The following NBPF20 variants were observed in gnomAD, a reference collection of about 807,000 sequenced individuals.
The protein encoded by NBPF20 is NBPF family member NBPF20.
A neutral mutation model predicts 68.1 loss-of-function variants in NBPF20; 90 were observed. That is an observed-to-expected ratio of 1.32 (90% CI 1.11 to 1.58). The LOEUF (loss-of-function observed/expected upper bound fraction) is 1.58, where lower values mean the gene tolerates loss of function less well. NBPF20 is among the 40% of genes most tolerant of loss of function. The pLI, the probability that NBPF20 is intolerant of heterozygous loss-of-function variation, is 0.00. For missense variants in NBPF20, 816 were observed against 601.2 expected, an observed-to-expected ratio of 1.36 and a Z score of -3.74; for synonymous variants, 290 against 228.1, an observed-to-expected ratio of 1.27 and a Z score of -2.45.
At chr1:145,406,516 C>T (rs587707612), upstream of NBPF20, among the ~76,000 whole-genome samples, 1 of 151,742 alleles carries the variant, frequency 6.6e-6, no homozygotes, top group African/African-American at 2.4e-5. Flanking sequence ...AAATGTTGGA[C>T]AGAGTTTTGC....
chr1:145,298,369 C>G (rs1425709624), intron 129 of NBPF20, among the ~76,000 whole-genome samples: 538 of 144,036 alleles, frequency 3.7e-3, no homozygotes, highest in Non-Finnish European at 4.8e-3. Context: ...CACACACACA[C>G]AGACACACAC....
chr1:145,291,964 C>T (rs1553657900), intron 137 of NBPF20, among the ~76,000 whole-genome samples, 195 bp from the exon 143 acceptor site: 1 of 150,132 alleles, frequency 6.7e-6, no homozygotes, highest in African/African-American at 2.5e-5. Context: ...AAGAGAAAGA[C>T]AGAGAGAGAG....
At chr1:145,291,834 A>C (rs1661122143) in intron 137 of NBPF20, 65 bp from the exon 143 acceptor site, 3 of 1,611,298 alleles carry the variant, frequency 1.9e-6, no homozygotes, top group Admixed American at 3.3e-5. Context: ...GCCCCACTAG[A>C]TTTCAGAAGT....
upstream of NBPF20, among the ~76,000 whole-genome samples, chr1:145,406,273 T>A (rs1174412755): frequency 1.3e-5 from 2 of 151,534 alleles, no homozygotes; most frequent in Non-Finnish European, 2.9e-5. Context: ...GCCACTAATT[T>A]GTTTGATTGT....
chr1:145,372,494 T>G lies in NBPF20; in HGVS notation c.4369+18A>C. The G allele has an allele frequency of 2.0e-6, 1 of 509,098 alleles. No homozygotes were observed. The highest frequency in any genetic ancestry group is 3.3e-6 in the Non-Finnish European group (1 of 301,896). 31.5% of individuals were successfully genotyped at this position (509,098 alleles called of 1,614,324 possible). A position where few individuals can be genotyped will look rare whatever the true frequency, so the allele number is the denominator to read the frequency against. On this transcript the variant is annotated intron_variant, in intron 36 of 137. Coordinates refer to ENST00000369373, the Ensembl canonical transcript of NBPF20. ...AAGACCAGGTGGAGGCTTATCACCT[T>G]CACAGTAAGATACTCACTGTCCACG...
intron 7 of NBPF20, among the ~76,000 whole-genome samples, chr1:145,397,798 TAA>T (rs1258556418): frequency 6.6e-6 from 1 of 152,064 alleles, no homozygotes; most frequent in African/African-American, 2.4e-5. Context: ...GCAAATTGGA[TAA>T]AGAGTCAAGT....
At chr1:145,410,700 ATGTGTGTG>A in the NBPF20 span, among the ~76,000 whole-genome samples, 152 of 118,304 alleles carry the variant, frequency 1.3e-3, no homozygotes, top group African/African-American at 3.6e-3. Context: ...ATATATATAT[ATGTGTGTG>A]TGTGTGTGTG....
At chr1:145,425,131 C>T in the NBPF20 span, among the ~76,000 whole-genome samples, 1 of 152,146 alleles carries the variant, frequency 6.6e-6, no homozygotes, top group Non-Finnish European at 1.5e-5. Context: ...GTTTCTTCCC[C>T]AGCGCCCAAG....
intron 7 of NBPF20, among the ~76,000 whole-genome samples, chr1:145,397,597 A>G (rs1264121879): frequency 1.3e-5 from 2 of 152,326 alleles, no homozygotes; most frequent in Non-Finnish European, 2.9e-5. Context: ...GTAAACATGG[A>G]AAGGAACAAC....
At chr1:145,409,484 GC>G (rs752529350), upstream of NBPF20, among the ~76,000 whole-genome samples, 855 of 149,118 alleles carry the variant, frequency 5.7e-3, 6 homozygotes, top group Non-Finnish European at 8.1e-3. Context: ...TGTAACAAAA[GC>G]CCACCAAGAG....
exon 134 of NBPF20, chr1:145,294,886 G>C (rs1318021611): frequency 2.6e-6 from 1 of 389,510 alleles, no homozygotes; most frequent in African/African-American, 6.7e-5. Flanking sequence ...TGAAGGAGTC[G>C]AATAACATCT....
chr1:145,415,093 G>A, the NBPF20 span, among the ~76,000 whole-genome samples: 1 of 152,030 alleles, frequency 6.6e-6, no homozygotes, highest in Non-Finnish European at 1.5e-5. Flanking sequence ...GATGTGGCAG[G>A]ACAATAGGAT....
At chr1:145,400,619 TGACA>T (rs1662477927) in intron 5 of NBPF20, 25 bp from the exon 11 acceptor site, 2 of 1,602,258 alleles carry the variant, frequency 1.2e-6, no homozygotes, top group Admixed American at 3.3e-5. Flanking sequence ...GGGACAGAGA[TGACA>T]GAAGATTAAA....
At chr1:145,291,347 C>T (rs1264204034) in exon 138 of NBPF20, 13 of 1,278,330 alleles carry the variant, frequency 1.0e-5, no homozygotes, top group Non-Finnish European at 1.3e-5. Flanking sequence ...AACGTGGGTC[C>T]ATTGTCTTCA....
chr1:145,406,596 C>T (rs1284917534), upstream of NBPF20, among the ~76,000 whole-genome samples: 6 of 151,328 alleles, frequency 4.0e-5, no homozygotes, highest in East Asian at 1.2e-3. Flanking sequence ...CATTCCCACA[C>T]ACTTAATATT....
At chr1:145,393,457 AAAC>A (rs1553662677) in intron 9 of NBPF20, among the ~76,000 whole-genome samples, 1 of 117,856 alleles carries the variant, frequency 8.5e-6, no homozygotes, top group African/African-American at 3.2e-5. Flanking sequence ...ACACACACAC[AAAC>A]ACACACACAC....
At chr1:145,410,608 C>T in the NBPF20 span, among the ~76,000 whole-genome samples, 2 of 150,912 alleles carry the variant, frequency 1.3e-5, no homozygotes, top group Admixed American at 6.6e-5. Context: ...CCACCGCGCC[C>T]GGCCCCATGT....
chr1:145,406,594 C>A (rs1347426492), upstream of NBPF20, among the ~76,000 whole-genome samples: 3 of 151,252 alleles, frequency 2.0e-5, no homozygotes, highest in Non-Finnish European at 4.4e-5. Flanking sequence ...TACATTCCCA[C>A]ACACTTAATA....
At chr1:145,291,686 T>C (rs782233838) in exon 138 of NBPF20, 7 of 1,611,790 alleles carry the variant, frequency 4.3e-6, no homozygotes, top group African/African-American at 1.3e-5. Context: ...TAGTTCAAAG[T>C]ACATTGACGG....
Sources: allele counts gnomAD v4.1 joint callset (sites outside exome capture counted in the v4.1 genomes callset), GRCh38; gene constraint gnomAD v4.1.1; transcripts MANE v1.5; gene names NCBI Gene and HGNC (gene_info 2026-07-23, HGNC 2026-07-21).